RNF216: variants seen among roughly 807,000 people sequenced by gnomAD.
RNF216 encodes E3 ubiquitin-protein ligase RNF216.
RNF216 carries 72 observed loss-of-function variants against 110.8 expected under a neutral mutation model. That is an observed-to-expected ratio of 0.65 (90% CI 0.54 to 0.79). RNF216 has a LOEUF of 0.79. Among genes scored for constraint, RNF216 ranks in the 30% least tolerant of loss-of-function variants. The pLI is 0.00. For synonymous variants in RNF216, 495 were observed against 407.5 expected (o/e 1.21, Z -2.59); for missense variants, 1,342 against 1,141.2 (o/e 1.18, Z -2.54).
intron 13 of RNF216, among the ~76,000 whole-genome samples, chr7:5,670,430 G>C (rs1789830763): frequency 6.6e-6 from 1 of 152,192 alleles, no homozygotes; most frequent in Non-Finnish European, 1.5e-5. Flanking sequence ...CTAGAGGAGA[G>C]TGCTGAACTG....
At chr7:5,638,455 A>C (rs373747364) in intron 15 of RNF216, among the ~76,000 whole-genome samples, 18 of 152,270 alleles carry the variant, frequency 1.2e-4, no homozygotes, top group East Asian at 1.2e-3. Context: ...TACACGCACT[A>C]CATCTTCGGA....
At chr7:5,626,395 G>C (rs1419871819) in intron 15 of RNF216, among the ~76,000 whole-genome samples, 1 of 149,616 alleles carries the variant, frequency 6.7e-6, no homozygotes, top group Admixed American at 6.7e-5. Context: ...GCCAGTGGCA[G>C]GCCTAAGAAA....
chr7:5,759,101 A>C (rs1795794283), intron 2 of RNF216, among the ~76,000 whole-genome samples: 1 of 152,070 alleles, frequency 6.6e-6, no homozygotes, highest in Non-Finnish European at 1.5e-5. Flanking sequence ...TGGTTGTTTA[A>C]AAGTGTGTGG....
intron 5 of RNF216, among the ~76,000 whole-genome samples, chr7:5,735,038 C>A (rs187283285): frequency 6.6e-6 from 1 of 151,698 alleles, no homozygotes; most frequent in Non-Finnish European, 1.5e-5. Flanking sequence ...CCAAGCTACT[C>A]AGGAGGCTGA....
intron 1 of RNF216, among the ~76,000 whole-genome samples, chr7:5,769,708 T>C (rs564314766): frequency 6.8e-6 from 1 of 148,144 alleles, no homozygotes; most frequent in Non-Finnish European, 1.5e-5. Flanking sequence ...TGGGAGACAG[T>C]GAGAGCTGTC....
At chr7:5,764,785 G>A (rs10261277) in intron 1 of RNF216, among the ~76,000 whole-genome samples, 71,135 of 151,944 alleles carry the variant, frequency 0.47, 17,204 homozygotes, top group Admixed American at 0.53. Flanking sequence ...TAAGGGTAGC[G>A]GCTGGGTGCA....
At chr7:5,764,794 CA>C (rs2128674263) in intron 1 of RNF216, among the ~76,000 whole-genome samples, 1 of 152,216 alleles carries the variant, frequency 6.6e-6, no homozygotes, top group Admixed American at 6.5e-5. Context: ...CGGCTGGGTG[CA>C]GTGGCTCATG....
At chr7:5,694,214 ATTTC>A (rs1237954991) in intron 13 of RNF216, among the ~76,000 whole-genome samples, 1 of 152,212 alleles carries the variant, frequency 6.6e-6, no homozygotes, top group East Asian at 1.9e-4. Context: ...GGCCTACTCA[ATTTC>A]TTTATTTGCT....
At chr7:5,756,090 T>C (rs1029272345) in intron 2 of RNF216, among the ~76,000 whole-genome samples, 1 of 149,232 alleles carries the variant, frequency 6.7e-6, no homozygotes, top group Non-Finnish European at 1.5e-5. Context: ...TGGGGGCAGT[T>C]TCCCCCATTC....
chr7:5,685,761 T>C (rs1198910478), intron 13 of RNF216, among the ~76,000 whole-genome samples: 1 of 152,192 alleles, frequency 6.6e-6, no homozygotes, highest in Non-Finnish European at 1.5e-5. Context: ...ATCAAATTCA[T>C]CTTGGGAAAA....
At chr7:5,702,453 G>A (rs1184831643) in intron 13 of RNF216, among the ~76,000 whole-genome samples, 5 of 152,182 alleles carry the variant, frequency 3.3e-5, no homozygotes, top group South Asian at 2.1e-4. Flanking sequence ...TCCCTATTTC[G>A]GGTTGTCAGC....
intron 13 of RNF216, among the ~76,000 whole-genome samples, chr7:5,684,614 G>A (rs897411132): frequency 1.3e-5 from 2 of 152,156 alleles, no homozygotes; most frequent in East Asian, 3.9e-4. Flanking sequence ...ATCCCATGTA[G>A]CCACGTAGCT....
chr7:5,771,190 G>A (rs984398801), intron 1 of RNF216, among the ~76,000 whole-genome samples: 6 of 152,106 alleles, frequency 3.9e-5, no homozygotes, highest in Admixed American at 2.0e-4. Context: ...ATATGATGCT[G>A]TACTCAAAAG....
rs149318854 is a variant in RNF216 at position 5,737,227 on chromosome 7, A to T, written c.1121+2049T>A. Among the ~76,000 whole-genome samples, 686 of 152,272 alleles carry T rather than the reference A, an allele frequency of 4.5e-3. 1 individual carries two copies. Among genetic ancestry groups the T allele is most frequent in the African/African-American group, 0.015 (606 of 41,546 alleles). ...CTGTTGATCTATTACCTTACCCCCA[A>T]CCCAGTGCTCTCTGAAACATGTGCT... On this transcript the variant is annotated intron_variant, in intron 5 of 16. Coordinates refer to ENST00000389902, the MANE Select transcript of RNF216 (RefSeq NM_207111.4).
chr7:5,629,262 A>T (rs1209365867), intron 15 of RNF216, among the ~76,000 whole-genome samples: 5 of 151,272 alleles, frequency 3.3e-5, no homozygotes, highest in Non-Finnish European at 7.4e-5. Context: ...GGATCGCTTG[A>T]GGCCAGGATT....
intron 13 of RNF216, among the ~76,000 whole-genome samples, chr7:5,682,360 C>G (rs1378406847): frequency 1.3e-5 from 2 of 152,086 alleles, no homozygotes; most frequent in Non-Finnish European, 2.9e-5. Flanking sequence ...TAGCTTGGAG[C>G]AGCCAATCTC....
chr7:5,734,761 T>C (rs1417655986), intron 5 of RNF216, among the ~76,000 whole-genome samples: 1 of 151,076 alleles, frequency 6.6e-6, no homozygotes, highest in Non-Finnish European at 1.5e-5. Flanking sequence ...GAGGCGAAGG[T>C]TGCAGTGAGC....
intron 1 of RNF216, among the ~76,000 whole-genome samples, chr7:5,773,457 G>A (rs980415999): frequency 6.6e-6 from 1 of 152,024 alleles, no homozygotes; most frequent in African/African-American, 2.4e-5. Context: ...TGGCCAGGCT[G>A]GTTTCAAACT....
intron 5 of RNF216, among the ~76,000 whole-genome samples, chr7:5,734,544 T>TA (rs1794278118): frequency 6.6e-6 from 1 of 151,610 alleles, no homozygotes; most frequent in Non-Finnish European, 1.5e-5. Context: ...CTATACACAA[T>TA]AAAGAATATG....
Sources: gnomAD v4.1 joint callset for allele counts (sites outside exome capture counted in the v4.1 genomes callset) on GRCh38, gnomAD v4.1.1 for gene constraint, MANE v1.5 for transcripts, NCBI Gene and HGNC (gene_info 2026-07-23, HGNC 2026-07-21) for gene names.